The following SCAMP1 variants were observed in gnomAD, a reference collection of about 807,000 sequenced individuals.
The protein encoded by SCAMP1 is secretory carrier-associated membrane protein 1.
In SCAMP1, 15 loss-of-function variants were observed where a neutral mutation model predicts 41.8. The ratio of observed to expected loss-of-function variants is 0.36; its 90% CI spans 0.24 to 0.55. The LOEUF is 0.55. SCAMP1 is among the 20% of genes least tolerant of loss of function. The pLI, the probability that SCAMP1 is intolerant of heterozygous loss-of-function variation, is 0.86. For missense variants in SCAMP1, 341 were observed against 412.6 expected, an observed-to-expected ratio of 0.83 and a Z score of 1.50; for synonymous variants, 135 against 136.8, an observed-to-expected ratio of 0.99 and a Z score of 0.09.
At chr5:78,361,847 T>G (rs1034396841) in intron 1 of SCAMP1, among the ~76,000 whole-genome samples, 2 of 152,382 alleles carry the variant, frequency 1.3e-5, no homozygotes, top group South Asian at 2.1e-4. Context: ...TTTTTACTCC[T>G]GGTTTTATCT....
At chr5:78,396,426 TAA>T (rs1220190968) in intron 2 of SCAMP1, among the ~76,000 whole-genome samples, 1 of 152,130 alleles carries the variant, frequency 6.6e-6, no homozygotes, top group Non-Finnish European at 1.5e-5. Flanking sequence ...AAAATAAAGT[TAA>T]AAAGTTAGTG....
rs910837124 is a variant in SCAMP1 at position 78,443,856 on chromosome 5, G to A, written c.633-6077G>A. Among the ~76,000 whole-genome samples, 314 of 151,664 alleles carry A rather than the reference G, an allele frequency of 2.1e-3. 1 individual carries two copies. The highest frequency in any genetic ancestry group is 7.3e-3 in the African/African-American group (301 of 41,260). On this transcript the variant is annotated intron_variant, in intron 6 of 8. Coordinates refer to ENST00000621999, the MANE Select transcript of SCAMP1 (RefSeq NM_004866.6). The stretch of plus-strand genomic sequence containing the variant: ...TTTTTAATAGAGATGAGGTCTTACT[G>A]TATTGCCCCACGCTGGTCTTGAACT...
At chr5:78,437,712 G>T (rs1300429700) in intron 6 of SCAMP1, among the ~76,000 whole-genome samples, 1 of 152,170 alleles carries the variant, frequency 6.6e-6, no homozygotes, top group East Asian at 1.9e-4. Context: ...TTGGTGTCAG[G>T]ATGATGCTGG....
At chr5:78,440,233 G>T (rs538668039) in intron 6 of SCAMP1, among the ~76,000 whole-genome samples, 1 of 152,282 alleles carries the variant, frequency 6.6e-6, no homozygotes, top group South Asian at 2.1e-4. Context: ...TCTCCGTTCA[G>T]CTTTGTTCCC....
chr5:78,424,233 T>C (rs1283802736), intron 6 of SCAMP1, among the ~76,000 whole-genome samples: 1 of 152,206 alleles, frequency 6.6e-6, no homozygotes, highest in Non-Finnish European at 1.5e-5. Context: ...ATCATTAATA[T>C]ACCTTCCTGT....
At chr5:78,466,454 G>T (rs1471852140) in intron 8 of SCAMP1, among the ~76,000 whole-genome samples, 3 of 152,164 alleles carry the variant, frequency 2.0e-5, no homozygotes, top group Non-Finnish European at 4.4e-5. Flanking sequence ...GGACAGGGAA[G>T]AGGATAAGAG....
At chr5:78,413,493 C>G (rs941343860) in intron 2 of SCAMP1, among the ~76,000 whole-genome samples, 1 of 151,178 alleles carries the variant, frequency 6.6e-6, no homozygotes, top group African/African-American at 2.4e-5. Context: ...TCTGGGCTCA[C>G]TGCAACCTCT....
chr5:78,443,108 G>T (rs1252067329), intron 6 of SCAMP1, among the ~76,000 whole-genome samples: 1 of 150,446 alleles, frequency 6.6e-6, no homozygotes, highest in African/African-American at 2.4e-5. Context: ...AGCTATGCGT[G>T]AGGCTGAGGC....
chr5:78,406,993 G>GACA (rs1438687602), intron 2 of SCAMP1, among the ~76,000 whole-genome samples: 1 of 152,198 alleles, frequency 6.6e-6, no homozygotes, highest in Admixed American at 6.5e-5. Context: ...AGTAGTGGCA[G>GACA]ACACAGTTCT....
chr5:78,480,036 A>G lies in SCAMP1; in HGVS notation c.*4368A>G, dbSNP rs1754103329. Among the ~76,000 whole-genome samples, 1 of 144,488 alleles carries G rather than the reference A, an allele frequency of 6.9e-6. No individual in the cohort carries two copies. Among genetic ancestry groups the G allele is most frequent in the South Asian group, 2.3e-4 (1 of 4,408 alleles). The allele number at this position is 144,488 out of a possible 152,430, so 94.8% of individuals were successfully genotyped here. A position where few individuals can be genotyped will look rare whatever the true frequency, so the allele number is the denominator to read the frequency against. ...ACTCCAGCCTGGGCGACAGAGCGAG[A>G]CTCCATCTCAAGAAAAAAAAAAAAG... On this transcript the variant is annotated 3_prime_UTR_variant, in exon 9 of 9. Coordinates refer to ENST00000621999, the MANE Select transcript of SCAMP1 (RefSeq NM_004866.6).
intron 8 of SCAMP1, among the ~76,000 whole-genome samples, chr5:78,465,404 C>T (rs575863349): frequency 6.6e-6 from 1 of 152,334 alleles, no homozygotes; most frequent in Non-Finnish European, 1.5e-5. Context: ...CTCAACTGTA[C>T]TCCAAGCTGC....
At chr5:78,459,695 A>G (rs1753535561) in intron 8 of SCAMP1, among the ~76,000 whole-genome samples, 1 of 152,224 alleles carries the variant, frequency 6.6e-6, no homozygotes, top group Non-Finnish European at 1.5e-5. Flanking sequence ...GCCTGTTAAT[A>G]AATAGAAGTA....
intron 2 of SCAMP1, among the ~76,000 whole-genome samples, chr5:78,409,689 T>A (rs1212439277): frequency 6.6e-6 from 1 of 152,202 alleles, no homozygotes; most frequent in Non-Finnish European, 1.5e-5. Flanking sequence ...TTTGTGGCTC[T>A]CCAACATTTC....
At chr5:78,416,312 C>T (rs1752206852) in intron 3 of SCAMP1, among the ~76,000 whole-genome samples, 1 of 152,148 alleles carries the variant, frequency 6.6e-6, no homozygotes, top group Admixed American at 6.5e-5. Context: ...AAGTTTTCCT[C>T]TCCTAATGGA....
At chr5:78,439,584 G>T (rs1346219692) in intron 6 of SCAMP1, among the ~76,000 whole-genome samples, 1 of 152,170 alleles carries the variant, frequency 6.6e-6, no homozygotes, top group Non-Finnish European at 1.5e-5. Flanking sequence ...CGAGAGATCT[G>T]CTGTTAGTCT....
In SCAMP1 at chr5:78,411,503, T is replaced by C. The variant is rs574981478; in HGVS notation, c.136-4017T>C. ...CTATTAACATTTTGATATATTTTCA[T>C]CTTATTTTAAAATAGGAAGTTCGTG... On this transcript the variant is annotated intron_variant, in intron 2 of 8. Coordinates refer to ENST00000621999, the MANE Select transcript of SCAMP1 (RefSeq NM_004866.6). 7.9e-5 allele frequency among the ~76,000 whole-genome samples: 12 copies of C among 152,322 alleles called. 1 individual carries two copies. Among genetic ancestry groups the C allele is most frequent in the African/African-American group, 2.9e-4 (12 of 41,584 alleles).
intron 6 of SCAMP1, among the ~76,000 whole-genome samples, chr5:78,430,745 A>T (rs1752600742): frequency 6.6e-6 from 1 of 151,986 alleles, no homozygotes; most frequent in South Asian, 2.1e-4. Context: ...TTAGGATGTT[A>T]TGTTCCTACT....
At chr5:78,465,164 G>A (rs1753714531) in intron 8 of SCAMP1, among the ~76,000 whole-genome samples, 1 of 152,098 alleles carries the variant, frequency 6.6e-6, no homozygotes, top group African/African-American at 2.4e-5. Context: ...TGTCTATATT[G>A]CTTACTGTGG....
At chr5:78,387,457 TG>T (rs1751372562) in intron 1 of SCAMP1, among the ~76,000 whole-genome samples, 1 of 152,030 alleles carries the variant, frequency 6.6e-6, no homozygotes, top group Non-Finnish European at 1.5e-5. Context: ...ATTTTTTTTC[TG>T]GAAGTTTAGA....
Sources: allele counts gnomAD v4.1 joint callset (sites outside exome capture counted in the v4.1 genomes callset), GRCh38; gene constraint gnomAD v4.1.1; transcripts MANE v1.5; gene names NCBI Gene and HGNC (gene_info 2026-07-23, HGNC 2026-07-21).